Variants in PCDHA1 observed in about 807,000 individuals in gnomAD.
PCDHA1 encodes protocadherin alpha 1.
In PCDHA1, 42 loss-of-function variants were observed where a neutral mutation model predicts 61.3. The observed-to-expected ratio is 0.69, with a 90% CI of 0.54 to 0.89. The LOEUF (loss-of-function observed/expected upper bound fraction) is 0.89. Among genes scored for constraint, PCDHA1 ranks in the 40% least tolerant of loss-of-function variants. The pLI, the probability that PCDHA1 is intolerant of heterozygous loss-of-function variation, is 0.00. For synonymous variants in PCDHA1, 610 were observed against 553.8 expected (o/e 1.10, Z -1.43); for missense variants, 1,256 against 1,235.3 (o/e 1.02, Z -0.25).
At chr5:140,992,820 TG>T (rs1554253214) in intron 3 of PCDHA1, among the ~76,000 whole-genome samples, 1 of 152,164 alleles carries the variant, frequency 6.6e-6, no homozygotes, top group Non-Finnish European at 1.5e-5. Flanking sequence ...AGGATGTGTT[TG>T]TTTTTTGGGA....
At chr5:140,874,834 T>C (rs756394440) in intron 1 of PCDHA1, among the ~76,000 whole-genome samples, 17 of 152,260 alleles carry the variant, frequency 1.1e-4, no homozygotes, top group Non-Finnish European at 2.5e-4. Context: ...AAATATTGTT[T>C]GGTATTAGAC....
chr5:140,853,345 C>A, intron 1 of PCDHA1: 2 of 982,280 alleles, frequency 2.0e-6, no homozygotes, highest in Non-Finnish European at 2.5e-6. Context: ...CATTAGCAAA[C>A]ATGAACTCAC....
chr5:140,795,487 A>C, intron 1 of PCDHA1: 1 of 1,614,170 alleles, frequency 6.2e-7, no homozygotes, highest in Non-Finnish European at 8.5e-7. Context: ...GCTCAGCTCC[A>C]GTGAGTTTTT....
chr5:140,995,353 G>A lies in PCDHA1; in HGVS notation c.2542+12790G>A, dbSNP rs922727759. 8.5e-5 allele frequency among the ~76,000 whole-genome samples: 13 copies of A among 152,138 alleles called. 1 individual carries two copies. The highest frequency in any genetic ancestry group is 4.2e-4 in the South Asian group (2 of 4,804). ...GTAGTGTAGACGGCATGGATAGGTC[G>A]GACAGAGGGATGATTCACGTACTGG... On this transcript the variant is annotated intron_variant, in intron 3 of 3. Transcript: ENST00000504120.
In PCDHA1 at chr5:141,010,434, A is replaced by G; in HGVS notation, c.*497A>G. 9.7e-7 allele frequency: 1 copy of G among 1,031,156 alleles called. No homozygotes were observed. Among genetic ancestry groups the G allele is most frequent in the Non-Finnish European group, 1.4e-6 (1 of 732,962 alleles). 63.9% of individuals were successfully genotyped at this position (1,031,156 alleles called of 1,614,324 possible). A position where few individuals can be genotyped will look rare whatever the true frequency, so the allele number is the denominator to read the frequency against. ...TTGGTACAAGGAAGGCAAGAAAACA[A>G]AGACAAATAAACAGCGGAAGTTATC... On this transcript the variant is annotated 3_prime_UTR_variant, in exon 4 of 4. Transcript: ENST00000504120.
chr5:140,870,155 T>C (rs1554163855), intron 1 of PCDHA1: 4 of 1,614,014 alleles, frequency 2.5e-6, no homozygotes, highest in Non-Finnish European at 3.4e-6. Flanking sequence ...GAAGTCGCCG[T>C]GACTTCCTTG....
At chr5:141,002,595 C>T (rs2098087240) in intron 3 of PCDHA1, among the ~76,000 whole-genome samples, 2 of 152,192 alleles carry the variant, frequency 1.3e-5, no homozygotes, top group Admixed American at 1.3e-4. Context: ...TTAGTCCCCT[C>T]ATCTATAAAA....
chr5:140,788,820 AT>A, intron 1 of PCDHA1, 136 bp downstream of exon 1: 1 of 1,416,174 alleles, frequency 7.1e-7, no homozygotes, highest in Non-Finnish European at 9.3e-7. Context: ...TTGAATGTAG[AT>A]ATCCTATTAA....
chr5:140,927,904 C>T, intron 1 of PCDHA1: 5 of 1,614,202 alleles, frequency 3.1e-6, no homozygotes, highest in Non-Finnish European at 4.2e-6. Flanking sequence ...CGATCATGCC[C>T]CCGAACTGGA....
rs782527674 is a variant in PCDHA1 at position 140,876,124 on chromosome 5, G to A, written c.2394+87440G>A. 162 of 1,613,780 alleles carry A rather than the reference G, an allele frequency of 1.0e-4. No individual in the cohort carries two copies. The highest frequency in any genetic ancestry group is 1.3e-4 in the Non-Finnish European group (152 of 1,179,892). ...TTTATTGCTGATGGTAATCGATGGC[G>A]GTAAACCAGAACTAACAGGGTCTGT... On this transcript the variant is annotated intron_variant, in intron 1 of 3. Coordinates refer to ENST00000504120, the MANE Select transcript of PCDHA1 (RefSeq NM_018900.4).
At chr5:140,995,647 A>G (rs1419237450) in intron 3 of PCDHA1, among the ~76,000 whole-genome samples, 2 of 152,202 alleles carry the variant, frequency 1.3e-5, no homozygotes, top group African/African-American at 4.8e-5. Context: ...TTAGAAAAGG[A>G]GAATCGAAAA....
At chr5:140,826,269 A>G (rs1554130513) in intron 1 of PCDHA1, among the ~76,000 whole-genome samples, 5 of 152,168 alleles carry the variant, frequency 3.3e-5, no homozygotes, top group Non-Finnish European at 7.4e-5. Flanking sequence ...GTCTTTATGT[A>G]TATTTTGTGC....
chr5:140,950,237 A>C (rs1192417956), intron 1 of PCDHA1, among the ~76,000 whole-genome samples: 1 of 151,954 alleles, frequency 6.6e-6, no homozygotes, highest in African/African-American at 2.4e-5. Context: ...AGTGCCATTA[A>C]TTTGTTCCTA....
intron 1 of PCDHA1, among the ~76,000 whole-genome samples, chr5:140,826,211 A>C (rs1554130497): frequency 2.0e-5 from 3 of 152,244 alleles, no homozygotes; most frequent in Non-Finnish European, 4.4e-5. Context: ...CATTTTAAAA[A>C]ATCAAGTTTT....
chr5:140,953,713 A>T (rs1372806666), intron 1 of PCDHA1, among the ~76,000 whole-genome samples: 1 of 152,218 alleles, frequency 6.6e-6, no homozygotes, highest in Admixed American at 6.5e-5. Context: ...TGAGCTTCAG[A>T]CATTGTGTTT....
At chr5:140,930,832 T>A (rs1375434055) in intron 1 of PCDHA1, among the ~76,000 whole-genome samples, 1 of 152,226 alleles carries the variant, frequency 6.6e-6, no homozygotes, top group East Asian at 1.9e-4. Flanking sequence ...GCTGACTGAA[T>A]GAATAAATAT....
chr5:140,842,603 C>A (rs2150340320), intron 1 of PCDHA1: 3 of 1,548,222 alleles, frequency 1.9e-6, no homozygotes, highest in Non-Finnish European at 2.6e-6. Context: ...GGTAACCGCG[C>A]GGGACGGGGG....
chr5:140,797,235 G>T, intron 1 of PCDHA1: 2 of 1,614,188 alleles, frequency 1.2e-6, no homozygotes, highest in African/African-American at 1.3e-5. Flanking sequence ...GGCGGCAGAG[G>T]GTGTGCTCTG....
chr5:140,827,878 G>T, intron 1 of PCDHA1: 1 of 657,238 alleles, frequency 1.5e-6, no homozygotes, highest in East Asian at 2.7e-5. Context: ...ACTGTTACGT[G>T]AATTGATTTC....
Sources: allele counts gnomAD v4.1 joint callset (sites outside exome capture counted in the v4.1 genomes callset), GRCh38; gene constraint gnomAD v4.1.1; transcripts MANE v1.5; gene names NCBI Gene and HGNC (gene_info 2026-07-23, HGNC 2026-07-21).